The following EPB41L3 variants were observed in gnomAD, a reference collection of about 807,000 sequenced individuals.
EPB41L3 encodes the protein band 4.1-like protein 3.
Under a neutral mutation model 127.1 loss-of-function variants are expected in EPB41L3, and 57 were observed. The observed-to-expected ratio is 0.45, with a 90% CI of 0.36 to 0.56. The LOEUF (loss-of-function observed/expected upper bound fraction) is 0.56. EPB41L3 is among the 20% of genes least tolerant of loss of function. EPB41L3 has a pLI of 0.00. For synonymous variants in EPB41L3, 572 were observed against 549.5 expected (o/e 1.04, Z -0.57); for missense variants, 1,273 against 1,372.2 (o/e 0.93, Z 1.14).
intron 3 of EPB41L3, among the ~76,000 whole-genome samples, chr18:5,455,514 A>G (rs1346763208): frequency 6.6e-6 from 1 of 152,160 alleles, no homozygotes; most frequent in Non-Finnish European, 1.5e-5. Context: ...CATGCAGTAG[A>G]GTTGACCTAT....
chr18:5,415,871 C>T lies in EPB41L3; in HGVS notation c.2014G>A (p.Ala672Thr). Reference sequence around the variant, plus strand: ...TTGTCTAGGGAGGCGCTCAAGGAGGCCGCCTTGGGCTCCAGGTAGCAGAGG... The same window carrying T: ...TTGTCTAGGGAGGCGCTCAAGGAGGTCGCCTTGGGCTCCAGGTAGCAGAGG... ...LCLCYLEPKAASLSASLDNDP... is the reference protein window; with the variant it reads ...LCLCYLEPKATSLSASLDNDP... Residue 672 changes from alanine (A) to threonine (T), a missense_variant, in exon 13 of 23, where the codon GCC becomes ACC. Around this residue, in one of 3 missense-constraint regions of EPB41L3, gnomAD observed 765 missense variants for 782.9 expected, o/e 0.98. Transcript: ENST00000341928. The T allele has an allele frequency of 1.2e-6, 2 of 1,613,618 alleles. No homozygotes were observed. The highest frequency in any genetic ancestry group is 1.7e-6 in the Non-Finnish European group (2 of 1,179,904).
At chr18:5,456,540 G>A (rs1176590365) in intron 3 of EPB41L3, among the ~76,000 whole-genome samples, 4 of 152,126 alleles carry the variant, frequency 2.6e-5, no homozygotes, top group Non-Finnish European at 5.9e-5. Flanking sequence ...CTGCACTTGC[G>A]CATATCATAT....
intron 1 of EPB41L3, among the ~76,000 whole-genome samples, chr18:5,510,436 TA>T (rs1040670223): frequency 6.6e-6 from 1 of 152,124 alleles, no homozygotes; most frequent in Non-Finnish European, 1.5e-5. Context: ...TCAGCTGAGA[TA>T]AAAAAACAAA....
rs145926576 is a variant in EPB41L3 at position 5,474,364 on chromosome 18, T to G, written c.381+3877A>C. 5.3e-3 allele frequency among the ~76,000 whole-genome samples: 805 copies of G among 152,190 alleles called. 3 individuals are homozygous for G. Among genetic ancestry groups the G allele is most frequent in the African/African-American group, 0.017 (696 of 41,514 alleles). On this transcript the variant is annotated intron_variant, in intron 3 of 22. Transcript: ENST00000341928. ...AACATCGGTGGGGAGATGTTGGGGA[T>G]CAAACAGGCAGTAAGTGTTTAGTCA...
chr18:5,416,928 C>T (rs2076899596), intron 12 of EPB41L3, among the ~76,000 whole-genome samples: 1 of 152,042 alleles, frequency 6.6e-6, no homozygotes. Context: ...AGTTTACATT[C>T]CAAATCAAGA....
At chr18:5,526,867 G>A (rs187111962) in intron 1 of EPB41L3, among the ~76,000 whole-genome samples, 10 of 152,054 alleles carry the variant, frequency 6.6e-5, no homozygotes, top group African/African-American at 1.4e-4. Context: ...TCAAACTCTC[G>A]CTTATCTACT....
chr18:5,596,120 T>C (rs551244191), intron 3 of EPB41L3, among the ~76,000 whole-genome samples: 60 of 152,332 alleles, frequency 3.9e-4, no homozygotes, highest in Non-Finnish European at 8.4e-4. Context: ...TATTTCTCTG[T>C]TCGGATTGGT....
At chr18:5,616,245 T>C (rs984234203) in intron 1 of EPB41L3, among the ~76,000 whole-genome samples, 10 of 152,032 alleles carry the variant, frequency 6.6e-5, no homozygotes, top group Admixed American at 5.2e-4. Context: ...TGCTGCACTC[T>C]TTCTCCATTT....
At chr18:5,435,516 A>T (rs924173807) in intron 6 of EPB41L3, among the ~76,000 whole-genome samples, 1 of 152,208 alleles carries the variant, frequency 6.6e-6, no homozygotes, top group Non-Finnish European at 1.5e-5. Flanking sequence ...CACAGTATTC[A>T]GTATAGTCAC....
At chr18:5,587,738 G>T (rs1006144581) in intron 3 of EPB41L3, among the ~76,000 whole-genome samples, 2 of 152,088 alleles carry the variant, frequency 1.3e-5, no homozygotes, top group African/African-American at 4.8e-5. Context: ...AAGAATAACA[G>T]AATTTTAATT....
intron 3 of EPB41L3, among the ~76,000 whole-genome samples, chr18:5,461,692 C>G (rs899110540): frequency 1.3e-5 from 2 of 152,146 alleles, no homozygotes. Flanking sequence ...AGAGAAGCAA[C>G]AGGAAGATCC....
At chr18:5,626,050 CCT>C (rs939918120) in intron 1 of EPB41L3, among the ~76,000 whole-genome samples, 3 of 152,052 alleles carry the variant, frequency 2.0e-5, no homozygotes, top group Admixed American at 6.5e-5. Flanking sequence ...GTGCCCTTCC[CCT>C]GTCTCGTCGC....
upstream of EPB41L3, among the ~76,000 whole-genome samples, chr18:5,545,365 T>G (rs2093859525): frequency 6.6e-6 from 1 of 152,114 alleles, no homozygotes; most frequent in Admixed American, 6.5e-5. Context: ...TGGGAAAGAT[T>G]AGTGGGCCTG....
intron 1 of EPB41L3, among the ~76,000 whole-genome samples, chr18:5,501,275 T>TTAAA (rs896739946): frequency 2.9e-5 from 3 of 102,384 alleles, no homozygotes; most frequent in African/African-American, 6.1e-5. Context: ...CATTAAGTAT[T>TTAAA]TAAATGAATG....
At chr18:5,538,377 T>C (rs1657252835) in intron 1 of EPB41L3, among the ~76,000 whole-genome samples, 1 of 152,224 alleles carries the variant, frequency 6.6e-6, no homozygotes, top group South Asian at 2.1e-4. Flanking sequence ...TTGATGCATA[T>C]TCACAAACAA....
At chr18:5,527,990 A>C (rs2093288500) in intron 1 of EPB41L3, among the ~76,000 whole-genome samples, 1 of 148,356 alleles carries the variant, frequency 6.7e-6, no homozygotes, top group Admixed American at 6.7e-5. Flanking sequence ...TACTATTTTA[A>C]AAAATATAAA....
At chr18:5,508,290 G>A (rs1409159478) in intron 1 of EPB41L3, 1 of 152,104 alleles carries the variant, frequency 6.6e-6, no homozygotes, top group Admixed American at 6.6e-5. Context: ...TGGTGATGGG[G>A]ACAAAAGGGA....
At chr18:5,486,441 T>C (rs961325728) in intron 2 of EPB41L3, among the ~76,000 whole-genome samples, 3 of 152,110 alleles carry the variant, frequency 2.0e-5, no homozygotes, top group Non-Finnish European at 4.4e-5. Context: ...GTTTTTTTTG[T>C]GTATAAGACT....
At chr18:5,583,755 T>C (rs1568607239) in intron 3 of EPB41L3, among the ~76,000 whole-genome samples, 1 of 152,230 alleles carries the variant, frequency 6.6e-6, no homozygotes, top group Non-Finnish European at 1.5e-5. Context: ...TTTCAGATGA[T>C]AAATGCCTTT....
Sources: allele counts gnomAD v4.1 joint callset (sites outside exome capture counted in the v4.1 genomes callset), GRCh38; gene constraint gnomAD v4.1.1; regional missense constraint gnomAD v4.1.1; transcripts MANE v1.5; gene names NCBI Gene and HGNC (gene_info 2026-07-23, HGNC 2026-07-21).